Variants in CDKL4 observed in about 807,000 individuals in gnomAD.
CDKL4 encodes cyclin-dependent kinase-like 4.
Under a neutral mutation model 42.0 loss-of-function variants are expected in CDKL4, and 44 were observed. That is an observed-to-expected ratio of 1.05 (90% CI 0.82 to 1.35). The LOEUF is 1.35. CDKL4 is among the 40% of genes most tolerant of loss of function. The pLI, the probability that CDKL4 is intolerant of heterozygous loss-of-function variation, is 0.00. For synonymous variants in CDKL4, 120 were observed against 121.6 expected, an observed-to-expected ratio of 0.99 and a Z score of 0.09; for missense variants, 393 against 369.9, an observed-to-expected ratio of 1.06 and a Z score of -0.51.
At chr2:39,217,371 A>G (rs1428899756) in intron 3 of CDKL4, among the ~76,000 whole-genome samples, 4 of 152,150 alleles carry the variant, frequency 2.6e-5, no homozygotes, top group African/African-American at 9.7e-5. Context: ...ATGATGGGGG[A>G]ATTCAGACTG....
At chr2:39,224,044 T>G (rs1216900353) in intron 3 of CDKL4, among the ~76,000 whole-genome samples, 1 of 152,234 alleles carries the variant, frequency 6.6e-6, no homozygotes, top group Non-Finnish European at 1.5e-5. Context: ...TGAATAAATA[T>G]ATTTATTAAT....
chr2:39,239,588 C>G (rs1240918437), intron 1 of CDKL4, among the ~76,000 whole-genome samples: 1 of 152,176 alleles, frequency 6.6e-6, no homozygotes, highest in Non-Finnish European at 1.5e-5. Flanking sequence ...CAAATGTCTA[C>G]TAAGCACATG....
In CDKL4 at chr2:39,213,610, A is replaced by G. The variant is rs1380191470; in HGVS notation, c.291-138T>C. 3 of 459,622 alleles carry G rather than the reference A, an allele frequency of 6.5e-6. No individual in the cohort carries two copies. In the East Asian group the frequency reaches 9.6e-5, roughly 15 times the overall value. 28.5% of individuals were successfully genotyped at this position (459,622 alleles called of 1,614,324 possible). On this transcript the variant is annotated intron_variant, in intron 3 of 9. Coordinates refer to ENST00000451199, the Ensembl canonical transcript of CDKL4. ...CGGAAGGGTCCTAAAAATATATTTT[A>G]GTGAAAATTGGGCTTTACTATCTTT...
At chr2:39,232,459 T>C (rs1203644762) in intron 1 of CDKL4, among the ~76,000 whole-genome samples, 1 of 152,222 alleles carries the variant, frequency 6.6e-6, no homozygotes, top group Non-Finnish European at 1.5e-5. Flanking sequence ...TCTACATGAA[T>C]GGACAGAATC....
chr2:39,186,727 A>T (rs1298715120), intron 7 of CDKL4, among the ~76,000 whole-genome samples: 5 of 152,154 alleles, frequency 3.3e-5, no homozygotes, highest in African/African-American at 1.2e-4. Context: ...TTGTTTTACA[A>T]GCCGAAAAAA....
the CDKL4 span, among the ~76,000 whole-genome samples, chr2:39,169,272 C>T: frequency 1.3e-5 from 2 of 152,280 alleles, no homozygotes; most frequent in Middle Eastern, 3.4e-3. Flanking sequence ...TATTTACACT[C>T]ATTAAAATCT....
exon 3 of CDKL4, chr2:39,225,867 A>T: frequency 6.2e-7 from 1 of 1,606,366 alleles, no homozygotes; most frequent in East Asian, 2.3e-5. Flanking sequence ...AGCTCATTTA[A>T]AAGTGTATGA....
intron 8 of CDKL4, among the ~76,000 whole-genome samples, chr2:39,180,857 A>C (rs1390011885): frequency 2.6e-5 from 4 of 151,994 alleles, no homozygotes; most frequent in African/African-American, 7.2e-5. Context: ...TGCTGAGTAC[A>C]TTTTTGTATT....
chr2:39,181,759 C>A (rs1447556289), intron 8 of CDKL4, among the ~76,000 whole-genome samples: 1 of 152,088 alleles, frequency 6.6e-6, no homozygotes. Flanking sequence ...ATTGGAGTTA[C>A]ATTGTCACAA....
intron 3 of CDKL4, among the ~76,000 whole-genome samples, chr2:39,224,077 T>C (rs959479664): frequency 6.6e-6 from 1 of 152,260 alleles, no homozygotes; most frequent in Non-Finnish European, 1.5e-5. Flanking sequence ...TTTTAAAAAA[T>C]GTTATTTGTA....
chr2:39,240,979 C>G (rs942340461), intron 1 of CDKL4, among the ~76,000 whole-genome samples: 17 of 152,184 alleles, frequency 1.1e-4, no homozygotes, highest in African/African-American at 3.9e-4. Context: ...AAGCACTGTT[C>G]CAGATTGAAG....
At chr2:39,169,194 C>A in the CDKL4 span, among the ~76,000 whole-genome samples, 1 of 152,148 alleles carries the variant, frequency 6.6e-6, no homozygotes, top group Non-Finnish European at 1.5e-5. Flanking sequence ...TGCATCATAT[C>A]CAATTCTTTG....
At chr2:39,221,899 C>G (rs906179685) in intron 3 of CDKL4, among the ~76,000 whole-genome samples, 10 of 152,216 alleles carry the variant, frequency 6.6e-5, no homozygotes, top group Non-Finnish European at 1.5e-5. Context: ...TTCTCTTGTG[C>G]ATCCCTTGCA....
At chr2:39,216,238 G>T (rs2148359704) in intron 3 of CDKL4, among the ~76,000 whole-genome samples, 1 of 152,270 alleles carries the variant, frequency 6.6e-6, no homozygotes, top group East Asian at 1.9e-4. Context: ...GGAGATACAG[G>T]TCTGAGATTA....
intron 2 of CDKL4, among the ~76,000 whole-genome samples, chr2:39,227,876 G>GGTAAGGACA (rs1678852929): frequency 1.3e-5 from 2 of 152,286 alleles, no homozygotes; most frequent in Admixed American, 6.5e-5. Flanking sequence ...ACAGTAACTT[G>GGTAAGGACA]CCTAAAGAAA....
At chr2:39,207,973 G>A (rs368559827) in intron 4 of CDKL4, among the ~76,000 whole-genome samples, 5 of 152,110 alleles carry the variant, frequency 3.3e-5, no homozygotes, top group African/African-American at 1.2e-4. Flanking sequence ...GTGGTTGTGG[G>A]TACCTGTAAT....
At chr2:39,192,100 T>C (rs983271410) in intron 5 of CDKL4, among the ~76,000 whole-genome samples, 3 of 152,190 alleles carry the variant, frequency 2.0e-5, no homozygotes, top group Non-Finnish European at 4.4e-5. Context: ...ATAAATGCCA[T>C]AATGGAAATT....
chr2:39,244,604 C>T (rs1262794983), upstream of CDKL4, among the ~76,000 whole-genome samples: 2 of 152,234 alleles, frequency 1.3e-5, no homozygotes, highest in Non-Finnish European at 2.9e-5. Context: ...CGACGAGTGC[C>T]ACCCCCTGCT....
At chr2:39,179,702 C>T (rs753149772) in intron 8 of CDKL4, among the ~76,000 whole-genome samples, 25 of 152,148 alleles carry the variant, frequency 1.6e-4, no homozygotes, top group African/African-American at 4.1e-4. Context: ...TCCTATACCC[C>T]GCCTGCCAAA....
Sources: allele counts gnomAD v4.1 joint callset (sites outside exome capture counted in the v4.1 genomes callset), GRCh38; gene constraint gnomAD v4.1.1; transcripts MANE v1.5; gene names NCBI Gene and HGNC (gene_info 2026-07-23, HGNC 2026-07-21).